Variants in SPOCK3 observed in about 807,000 individuals in gnomAD.
The protein encoded by SPOCK3 is testican-3.
SPOCK3 carries 30 observed loss-of-function variants against 56.6 expected under a neutral mutation model. The ratio of observed to expected loss-of-function variants is 0.53; its 90% confidence interval spans 0.40 to 0.72. The LOEUF (loss-of-function observed/expected upper bound fraction) is 0.72, where lower values mean the gene tolerates loss of function less well. Among genes scored for constraint, SPOCK3 ranks in the 30% least tolerant of loss-of-function variants. The pLI, the probability that SPOCK3 is intolerant of heterozygous loss-of-function variation, is 0.00. For missense variants in SPOCK3, 527 were observed against 530.0 expected (o/e 0.99, Z 0.06); for synonymous variants, 196 against 183.3 (o/e 1.07, Z -0.56).
chr4:167,073,466 G>A (rs1176879964), intron 2 of SPOCK3, among the ~76,000 whole-genome samples: 1 of 151,660 alleles, frequency 6.6e-6, no homozygotes, highest in Non-Finnish European at 1.5e-5. Flanking sequence ...TTTCATTATT[G>A]AGTCAAGAAT....
chr4:167,176,228 A>G (rs915837248), intron 2 of SPOCK3, among the ~76,000 whole-genome samples: 1 of 152,076 alleles, frequency 6.6e-6, no homozygotes, highest in African/African-American at 2.4e-5. Context: ...TCCAGTCTCA[A>G]ATACTTAATC....
intron 2 of SPOCK3, among the ~76,000 whole-genome samples, chr4:167,089,438 C>T (rs189297992): frequency 8.6e-5 from 13 of 151,868 alleles, no homozygotes; most frequent in Non-Finnish European, 1.6e-4. Flanking sequence ...TCTTTTAGCC[C>T]GTGCACTGAT....
At chr4:167,185,105 T>G (rs181683090) in intron 2 of SPOCK3, among the ~76,000 whole-genome samples, 1 of 152,338 alleles carries the variant, frequency 6.6e-6, no homozygotes, top group East Asian at 1.9e-4. Context: ...TCTGTGTTAA[T>G]AGATTAAATT....
At chr4:166,906,926 C>G (rs1160765498) in intron 5 of SPOCK3, among the ~76,000 whole-genome samples, 1 of 151,968 alleles carries the variant, frequency 6.6e-6, no homozygotes, top group East Asian at 1.9e-4. Context: ...GGTCAAATGA[C>G]TTAAATTCTC....
intron 4 of SPOCK3, among the ~76,000 whole-genome samples, chr4:166,965,418 C>A (rs1402040196): frequency 6.8e-6 from 1 of 146,570 alleles, no homozygotes; most frequent in African/African-American, 2.5e-5. Flanking sequence ...TTCTGAAAAT[C>A]TCTTTGTTCC....
intron 6 of SPOCK3, among the ~76,000 whole-genome samples, chr4:166,861,873 C>T (rs956744379): frequency 8.5e-5 from 13 of 152,126 alleles, no homozygotes; most frequent in Admixed American, 2.0e-4. Context: ...CCTCTTCACA[C>T]TCTTCCTTTT....
At chr4:166,771,367 T>G (rs961458403) in intron 7 of SPOCK3, among the ~76,000 whole-genome samples, 8 of 152,032 alleles carry the variant, frequency 5.3e-5, no homozygotes, top group Non-Finnish European at 1.2e-4. Context: ...AATATAAGCT[T>G]TCTCTATCTT....
chr4:166,832,968 G>T (rs1746238983), intron 6 of SPOCK3, among the ~76,000 whole-genome samples: 1 of 151,990 alleles, frequency 6.6e-6, no homozygotes, highest in Non-Finnish European at 1.5e-5. Context: ...TCACTACCTG[G>T]GTGTCAGGAT....
chr4:167,018,895 G>A (rs1489705984), intron 3 of SPOCK3, among the ~76,000 whole-genome samples: 5 of 151,982 alleles, frequency 3.3e-5, no homozygotes, highest in African/African-American at 1.2e-4. Flanking sequence ...ACAAACAGAA[G>A]TAGCAATTTC....
intron 6 of SPOCK3, among the ~76,000 whole-genome samples, chr4:166,833,869 C>A (rs1238403504): frequency 6.6e-6 from 1 of 152,090 alleles, no homozygotes; most frequent in Non-Finnish European, 1.5e-5. Flanking sequence ...GTCACCTGCC[C>A]CCTCTTGGAG....
At chr4:167,074,100 T>C (rs1756952986) in intron 2 of SPOCK3, among the ~76,000 whole-genome samples, 2 of 151,408 alleles carry the variant, frequency 1.3e-5, no homozygotes, top group South Asian at 4.2e-4. Flanking sequence ...AAAACAGAAT[T>C]ATAATAATCA....
chr4:166,883,171 T>A (rs1733844740), intron 6 of SPOCK3: 1 of 152,184 alleles, frequency 6.6e-6, no homozygotes, highest in African/African-American at 2.4e-5. Context: ...TAATTCTTAA[T>A]CAATAATACT....
intron 3 of SPOCK3, among the ~76,000 whole-genome samples, chr4:167,060,536 C>T (rs1324086979): frequency 3.3e-5 from 5 of 151,866 alleles, no homozygotes; most frequent in African/African-American, 9.7e-5. Context: ...AATTTTTGTT[C>T]GATTTTTATT....
At chr4:166,803,476 C>G (rs1742836275) in intron 6 of SPOCK3, among the ~76,000 whole-genome samples, 1 of 152,054 alleles carries the variant, frequency 6.6e-6, no homozygotes, top group Admixed American at 6.6e-5. Flanking sequence ...AAAAAGGTCT[C>G]TCAAAAAGCA....
At position 167,234,183 on chromosome 4, in the gene SPOCK3, G is replaced by T; in HGVS notation, c.1-10C>A. On this transcript the variant is annotated splice_polypyrimidine_tract_variant and intron_variant, in intron 1 of 10. Coordinates refer to ENST00000357545, the MANE Select transcript of SPOCK3 (RefSeq NM_001040159.2). ...CTGACACCTTGAGCATCTGGGAGAG[G>T]AGACACAACGGGGGGTGGGGGGGCA... 1 of 1,592,566 alleles carries T rather than the reference G, an allele frequency of 6.3e-7. No homozygotes were observed. Among genetic ancestry groups the T allele is most frequent in the Non-Finnish European group, 8.6e-7 (1 of 1,161,978 alleles).
chr4:167,099,584 C>T (rs548761962), intron 2 of SPOCK3, among the ~76,000 whole-genome samples: 2 of 152,166 alleles, frequency 1.3e-5, no homozygotes, highest in East Asian at 1.9e-4. Context: ...CAAAGCTATA[C>T]TTTATGCGTA....
chr4:167,157,499 TG>T (rs1209116568), intron 2 of SPOCK3, among the ~76,000 whole-genome samples: 3 of 151,428 alleles, frequency 2.0e-5, no homozygotes, highest in South Asian at 4.1e-4. Context: ...CAGAAAAAAA[TG>T]AGGTGGGGGT....
At chr4:166,945,348 T>G (rs2150023890) in intron 4 of SPOCK3, among the ~76,000 whole-genome samples, 1 of 152,268 alleles carries the variant, frequency 6.6e-6, no homozygotes, top group South Asian at 2.1e-4. Flanking sequence ...AACTATAGGT[T>G]TTCAAAATTA....
chr4:166,765,802 A>T (rs1463505419), intron 7 of SPOCK3, among the ~76,000 whole-genome samples: 2 of 152,200 alleles, frequency 1.3e-5, no homozygotes, highest in Non-Finnish European at 2.9e-5. Flanking sequence ...TATGATATTG[A>T]TTCTTCCTAT....
Sources: allele counts gnomAD v4.1 joint callset (sites outside exome capture counted in the v4.1 genomes callset), GRCh38; gene constraint gnomAD v4.1.1; transcripts MANE v1.5; gene names NCBI Gene and HGNC (gene_info 2026-07-23, HGNC 2026-07-21).